The following ST3GAL6 variants were observed in gnomAD, a reference collection of about 807,000 sequenced individuals.
The protein encoded by ST3GAL6 is type 2 lactosamine alpha-2,3-sialyltransferase.
Under a neutral mutation model 40.5 loss-of-function variants are expected in ST3GAL6, and 31 were observed. The ratio of observed to expected loss-of-function variants is 0.77; its 90% CI spans 0.58 to 1.03. The LOEUF (loss-of-function observed/expected upper bound fraction) is 1.03, where lower values mean the gene tolerates loss of function less well. ST3GAL6 is among the 50% of genes least tolerant of loss of function. The pLI is 0.00. For synonymous variants in ST3GAL6, 129 were observed against 136.9 expected, an observed-to-expected ratio of 0.94 and a Z score of 0.40; for missense variants, 357 against 393.2, an observed-to-expected ratio of 0.91 and a Z score of 0.78.
intron 3 of ST3GAL6, among the ~76,000 whole-genome samples, chr3:98,771,909 AG>A (rs1939038982): frequency 7.6e-6 from 1 of 131,262 alleles, no homozygotes; most frequent in African/African-American, 2.5e-5. Context: ...TTATATAATA[AG>A]AAAAAAAAAG....
chr3:98,793,528 G>C (rs1363772290), intron 9 of ST3GAL6, 147 bp from the exon 10 acceptor site: 1 of 491,088 alleles, frequency 2.0e-6, no homozygotes, highest in Admixed American at 4.0e-5. Context: ...TAATTTAAAA[G>C]GCTATCAAAA....
intron 1 of ST3GAL6, among the ~76,000 whole-genome samples, chr3:98,754,731 C>G (rs1937289648): frequency 6.6e-6 from 1 of 152,172 alleles, no homozygotes; most frequent in Non-Finnish European, 1.5e-5. Flanking sequence ...CTTTAGCAAC[C>G]ACCAGCCTGA....
rs557024529 is a variant in ST3GAL6, at chr3:98,793,737, C to T, written c.972C>T (p.Leu324=). ...LFLKDIIEKN[L]VINLTQD is the part of the protein sequence containing the mutation. Reference sequence around the variant, plus strand: ...TGAAGGACATTATAGAAAAAAACCTCGTAATCAACTTGACTCAAGATTGAC... The same window carrying T: ...TGAAGGACATTATAGAAAAAAACCTTGTAATCAACTTGACTCAAGATTGAC... Residue 324 remains leucine (L), a synonymous_variant, in exon 10 of 10, where the codon CTC becomes CTT. Coordinates refer to ENST00000483910, the MANE Select transcript of ST3GAL6 (RefSeq NM_001323368.2). The T allele has an allele frequency of 5.0e-6, 8 of 1,602,528 alleles. No individual in the cohort carries two copies. The highest frequency in any genetic ancestry group is 4.5e-5 in the South Asian group (4 of 88,218).
At chr3:98,762,923 A>G (rs1247144881), upstream of ST3GAL6, 2 of 985,354 alleles carry the variant, frequency 2.0e-6, no homozygotes, top group East Asian at 1.1e-4. Context: ...AAACTGTGCT[A>G]TCATTTACAT....
intron 5 of ST3GAL6, chr3:98,782,780 G>C: frequency 1.9e-6 from 1 of 515,928 alleles, no homozygotes; most frequent in Non-Finnish European, 3.9e-6. Flanking sequence ...CAAAGAATCT[G>C]AAGTTTACAA....
At chr3:98,751,044 C>CTT (rs5851136) in intron 1 of ST3GAL6, among the ~76,000 whole-genome samples, 17 of 142,588 alleles carry the variant, frequency 1.2e-4, no homozygotes, top group South Asian at 1.1e-3. Flanking sequence ...ACTAAATAAT[C>CTT]TTTTTTTTTT....
At chr3:98,737,842 A>G (rs1935686661) in intron 1 of ST3GAL6, among the ~76,000 whole-genome samples, 1 of 152,206 alleles carries the variant, frequency 6.6e-6, no homozygotes, top group African/African-American at 2.4e-5. Context: ...TTGCTATTCT[A>G]ATTTTAGACA....
upstream of ST3GAL6, among the ~76,000 whole-genome samples, chr3:98,761,932 A>AAGAAGAAAATTCTGC (rs1490312881): frequency 2.0e-5 from 3 of 152,212 alleles, no homozygotes; most frequent in Non-Finnish European, 4.4e-5. Flanking sequence ...TGTGCTATTA[A>AAGAAGAAAATTCTGC]AGAAGAAAAT....
chr3:98,742,166 G>T (rs542573934), intron 1 of ST3GAL6, among the ~76,000 whole-genome samples: 1 of 152,208 alleles, frequency 6.6e-6, no homozygotes, highest in African/African-American at 2.4e-5. Context: ...ATTAAGTTTT[G>T]ACTTCCTTCC....
At chr3:98,740,256 G>A (rs1243397476) in intron 1 of ST3GAL6, among the ~76,000 whole-genome samples, 1 of 116,886 alleles carries the variant, frequency 8.6e-6, no homozygotes, top group African/African-American at 3.5e-5. Flanking sequence ...TTACAAATTT[G>A]ATGTGTATGG....
At chr3:98,762,493 C>T (rs1005363247), upstream of ST3GAL6, among the ~76,000 whole-genome samples, 2 of 151,882 alleles carry the variant, frequency 1.3e-5, no homozygotes, top group East Asian at 1.9e-4. Flanking sequence ...TTTTTTATTT[C>T]TTTAATTATG....
intron 1 of ST3GAL6, among the ~76,000 whole-genome samples, chr3:98,740,571 C>T (rs991037230): frequency 3.3e-5 from 5 of 152,104 alleles, no homozygotes; most frequent in African/African-American, 1.2e-4. Context: ...GTTCAGTTTC[C>T]AGCTTCATAA....
chr3:98,736,833 G>C (rs1935585787), intron 1 of ST3GAL6, among the ~76,000 whole-genome samples: 1 of 152,192 alleles, frequency 6.6e-6, no homozygotes, highest in African/African-American at 2.4e-5. Context: ...TGGGTCGTTT[G>C]AGAAACAGAA....
intron 5 of ST3GAL6, chr3:98,782,258 TC>T: frequency 1.4e-6 from 1 of 703,302 alleles, no homozygotes; most frequent in South Asian, 1.5e-5. Context: ...AGCAAGGACT[TC>T]CAGTAGCTTC....
At chr3:98,787,747 T>C (rs1037848880) in intron 6 of ST3GAL6, among the ~76,000 whole-genome samples, 2 of 152,254 alleles carry the variant, frequency 1.3e-5, no homozygotes, top group East Asian at 3.8e-4. Flanking sequence ...TGTTCCCACT[T>C]TTTTAAATTT....
chr3:98,746,679 A>G (rs1049399793), intron 1 of ST3GAL6, among the ~76,000 whole-genome samples: 1 of 152,042 alleles, frequency 6.6e-6, no homozygotes, highest in African/African-American at 2.4e-5. Flanking sequence ...GTCAGTGAAA[A>G]CAAAATTATT....
chr3:98,788,076 G>C lies in ST3GAL6; in HGVS notation c.472G>C (p.Gly158Arg). The C allele has an allele frequency of 1.2e-6, 2 of 1,613,900 alleles. No homozygotes were observed. Among genetic ancestry groups the C allele is most frequent in the Non-Finnish European group, 1.7e-6 (2 of 1,179,930 alleles). Reference protein sequence around the residue: ...GPVLGHEEEVGRRTTFRLFYP... With the variant: ...GPVLGHEEEVRRRTTFRLFYP... Reference sequence around the variant, plus strand: ...TGTTTTAGGACATGAAGAAGAAGTTGGGAGAAGGACAACCTTCCGACTTTT... The same window carrying C: ...TGTTTTAGGACATGAAGAAGAAGTTCGGAGAAGGACAACCTTCCGACTTTT... The change falls in exon 7 of 10, where the codon GGG becomes CGG. Residue 158 changes from glycine to arginine, a missense_variant. By Grantham distance (125) the Gly-to-Arg change is moderately radical (BLOSUM62 -2). Coordinates refer to ENST00000483910, the MANE Select transcript of ST3GAL6 (RefSeq NM_001323368.2).
intron 3 of ST3GAL6, 161 bp downstream of exon 3, chr3:98,771,117 T>C: frequency 6.6e-7 from 1 of 1,517,632 alleles, no homozygotes; most frequent in Non-Finnish European, 8.8e-7. Flanking sequence ...TTTTGTGCTT[T>C]TAGTCAGAGC....
chr3:98,788,262 G>A, intron 7 of ST3GAL6, 40 bp downstream of exon 7: 1 of 1,591,860 alleles, frequency 6.3e-7, no homozygotes, highest in Non-Finnish European at 8.6e-7. Context: ...ATTACCTTTA[G>A]TGCTTTTTTT....
Sources: gnomAD v4.1 joint callset for allele counts (sites outside exome capture counted in the v4.1 genomes callset) on GRCh38, gnomAD v4.1.1 for gene constraint, MANE v1.5 for transcripts, NCBI Gene and HGNC (gene_info 2026-07-23, HGNC 2026-07-21) for gene names.